ACTR3C: variants seen among roughly 807,000 people sequenced by gnomAD.
ACTR3C encodes actin related protein 3C.
In ACTR3C, 18 loss-of-function variants were observed where a neutral mutation model predicts 26.3. The ratio of observed to expected loss-of-function variants is 0.68; its 90% CI spans 0.47 to 1.01. The LOEUF is 1.01. ACTR3C is among the 50% of genes least tolerant of loss of function. ACTR3C has a pLI of 0.00. For missense variants in ACTR3C, 184 were observed against 250.7 expected (o/e 0.73, Z 1.80); for synonymous variants, 55 against 94.5 (o/e 0.58, Z 2.42).
chr7:150,309,115 T>A (rs772690607), intron 1 of ACTR3C, among the ~76,000 whole-genome samples: 9 of 151,976 alleles, frequency 5.9e-5, no homozygotes, highest in Non-Finnish European at 1.0e-4. Context: ...CCCGAGATGA[T>A]CCCCAAAGGG....
the ACTR3C span, among the ~76,000 whole-genome samples, chr7:150,038,630 T>G: frequency 1.4e-5 from 2 of 145,522 alleles, 1 homozygote; most frequent in Non-Finnish European, 3.0e-5. Flanking sequence ...CGAGCTGCGT[T>G]CGGACCCGTC....
chr7:150,193,251 T>C, the ACTR3C span, among the ~76,000 whole-genome samples: 2 of 152,172 alleles, frequency 1.3e-5, no homozygotes, highest in Non-Finnish European at 2.9e-5. Flanking sequence ...TATAAGCTTA[T>C]GGGCATAGAA....
chr7:149,998,481 A>G, the ACTR3C span, among the ~76,000 whole-genome samples: 1 of 149,328 alleles, frequency 6.7e-6, no homozygotes, highest in African/African-American at 2.5e-5. Context: ...ATGGCTGGGG[A>G]GGCCTCAGGA....
At chr7:150,037,566 T>G in the ACTR3C span, among the ~76,000 whole-genome samples, 2 of 42,112 alleles carry the variant, frequency 4.7e-5, 1 homozygote, top group Admixed American at 5.1e-4. Flanking sequence ...ATGGGGGTCC[T>G]AAGAACCCGG....
the ACTR3C span, among the ~76,000 whole-genome samples, chr7:150,018,903 C>A: frequency 8.4e-6 from 1 of 118,732 alleles, no homozygotes; most frequent in East Asian, 2.4e-4. Context: ...TTTAGCAATG[C>A]CTTAAAATGG....
At chr7:149,898,521 T>G in the ACTR3C span, among the ~76,000 whole-genome samples, 1 of 151,970 alleles carries the variant, frequency 6.6e-6, no homozygotes, top group African/African-American at 2.4e-5. Flanking sequence ...CTGGCCAACA[T>G]GATGAAACCA....
the ACTR3C span, among the ~76,000 whole-genome samples, chr7:150,113,886 GC>G: frequency 2.0e-5 from 3 of 151,382 alleles, no homozygotes; most frequent in African/African-American, 7.3e-5. Context: ...TTATCTCACA[GC>G]TTCATTCAAA....
chr7:150,284,940 T>C (rs1563179740), intron 5 of ACTR3C, 95 bp from the exon 6 acceptor site: 12 of 1,147,158 alleles, frequency 1.0e-5, no homozygotes, highest in Non-Finnish European at 1.4e-5. Context: ...AAATATACAA[T>C]TTATTATAAC....
the ACTR3C span, among the ~76,000 whole-genome samples, chr7:150,020,847 T>C: frequency 2.0e-4 from 31 of 152,130 alleles, no homozygotes; most frequent in Non-Finnish European, 3.5e-4. Context: ...TGTGATGGAG[T>C]TTTGCCCTCG....
the ACTR3C span, among the ~76,000 whole-genome samples, chr7:149,892,031 G>A: frequency 9.9e-3 from 1,348 of 136,348 alleles, 19 homozygotes; most frequent in African/African-American, 0.034. Flanking sequence ...GCTTTCATGT[G>A]TGACCTGGTG....
the ACTR3C span, among the ~76,000 whole-genome samples, chr7:150,169,388 G>GAAAAAAAAA: frequency 9.2e-5 from 11 of 120,032 alleles, no homozygotes; most frequent in East Asian, 2.3e-4. Context: ...ATTTCAAAAG[G>GAAAAAAAAA]AAAAAAAAAA....
At chr7:150,179,117 A>C in the ACTR3C span, among the ~76,000 whole-genome samples, 2 of 145,600 alleles carry the variant, frequency 1.4e-5, no homozygotes, top group South Asian at 2.1e-4. Flanking sequence ...TAATACAGTC[A>C]TTGACTATAT....
At chr7:150,248,727 T>G (rs1334112196) in intron 7 of ACTR3C, 1 of 335,516 alleles carries the variant, frequency 3.0e-6, no homozygotes, top group Non-Finnish European at 5.3e-6. Context: ...AAAAACCACT[T>G]ATCATAGCAA....
chr7:149,886,924 C>T, the ACTR3C span, among the ~76,000 whole-genome samples: 2 of 149,922 alleles, frequency 1.3e-5, no homozygotes, highest in Admixed American at 1.3e-4. Context: ...TGTGCTCCTG[C>T]ATTCTGGCCT....
the ACTR3C span, among the ~76,000 whole-genome samples, chr7:149,959,116 A>C: frequency 6.6e-6 from 1 of 152,168 alleles, no homozygotes. Context: ...GGAGAAGTGG[A>C]GGTCATGGCA....
At chr7:150,054,082 AC>A in the ACTR3C span, among the ~76,000 whole-genome samples, 1 of 152,220 alleles carries the variant, frequency 6.6e-6, no homozygotes, top group Admixed American at 6.5e-5. Flanking sequence ...CCTTTATGTG[AC>A]AAACCCCCTT....
the ACTR3C span, among the ~76,000 whole-genome samples, chr7:150,042,788 G>C: frequency 6.6e-5 from 10 of 151,484 alleles, 1 homozygote; most frequent in Non-Finnish European, 1.2e-4. Context: ...TAGAGACGTA[G>C]GCTACCGGCC....
chr7:150,032,204 AAC>A, the ACTR3C span, among the ~76,000 whole-genome samples: 1 of 152,218 alleles, frequency 6.6e-6, no homozygotes, highest in African/African-American at 2.4e-5. Flanking sequence ...CAGATGCAGG[AAC>A]AGTCACCCAT....
downstream of ACTR3C, among the ~76,000 whole-genome samples, chr7:150,241,366 C>T (rs1007753578): frequency 2.0e-5 from 3 of 152,170 alleles, no homozygotes; most frequent in East Asian, 3.9e-4. Context: ...AGAGATTTGT[C>T]GTCATCAATT....
Sources: gnomAD v4.1 joint callset for allele counts (sites outside exome capture counted in the v4.1 genomes callset) on GRCh38, gnomAD v4.1.1 for gene constraint, MANE v1.5 for transcripts, NCBI Gene and HGNC (gene_info 2026-07-23, HGNC 2026-07-21) for gene names.